Variants in TBCD observed in about 807,000 individuals in gnomAD.
TBCD encodes tubulin-specific chaperone D.
Under a neutral mutation model 169.3 loss-of-function variants are expected in TBCD, and 105 were observed. The ratio of observed to expected loss-of-function variants is 0.62; its 90% CI spans 0.53 to 0.73. The LOEUF is 0.73. Ranked by LOEUF, TBCD falls within the 30% of genes least tolerant of loss-of-function variation. The pLI is 0.00. For missense variants in TBCD, 1,444 were observed against 1,600.1 expected (o/e 0.90, Z 1.66); for synonymous variants, 700 against 643.9 (o/e 1.09, Z -1.32).
At chr17:82,862,083 C>T (rs1000951321) in intron 13 of TBCD, among the ~76,000 whole-genome samples, 5 of 151,980 alleles carry the variant, frequency 3.3e-5, no homozygotes, top group Admixed American at 6.5e-5. Flanking sequence ...CCACCTTGCC[C>T]GGCTAATTTT....
At chr17:82,790,060 G>A (rs915299025) in intron 7 of TBCD, among the ~76,000 whole-genome samples, 7 of 152,096 alleles carry the variant, frequency 4.6e-5, no homozygotes, top group African/African-American at 1.7e-4. Flanking sequence ...TGGCTGCGCC[G>A]CCACCCTGTC....
chr17:82,933,471 C>G (rs534974094), intron 34 of TBCD, among the ~76,000 whole-genome samples: 3 of 152,022 alleles, frequency 2.0e-5, no homozygotes, highest in African/African-American at 7.2e-5. Flanking sequence ...CCAGGCTGGT[C>G]TTGAACTCCT....
chr17:82,926,602 A>G (rs976099429), intron 28 of TBCD, 111 bp downstream of exon 28: 1 of 863,906 alleles, frequency 1.2e-6, no homozygotes, highest in Non-Finnish European at 1.8e-6. Context: ...TTCACTTCCT[A>G]GGTTTCCTCT....
At chr17:82,940,862 G>A (rs910766272) in intron 37 of TBCD, among the ~76,000 whole-genome samples, 1 of 152,188 alleles carries the variant, frequency 6.6e-6, no homozygotes, top group Admixed American at 6.5e-5. Context: ...CCTCCAGCGA[G>A]GCTGGGTCGG....
At chr17:82,752,577 GGCAGACGCGCGCC>G (rs2047160587) in intron 1 of TBCD, among the ~76,000 whole-genome samples, 200 bp downstream of exon 1, 1 of 152,090 alleles carries the variant, frequency 6.6e-6, no homozygotes, top group Non-Finnish European at 1.5e-5. Context: ...AGGTGCACGG[GGCAGACGCGCGCC>G]TCCCTTGGGG....
intron 14 of TBCD, among the ~76,000 whole-genome samples, chr17:82,873,645 C>T (rs74000137): frequency 0.011 from 1,641 of 152,286 alleles, 21 homozygotes; most frequent in African/African-American, 0.035. Flanking sequence ...CCTTTGGCAA[C>T]GTTAGATGTC....
chr17:82,870,323 C>T lies in TBCD; in HGVS notation c.1418C>T (p.Ala473Val), dbSNP rs377049582. 5 of 1,613,420 alleles carry T rather than the reference C, an allele frequency of 3.1e-6. No homozygotes were observed. The African/African-American group carries it at 6.7e-5, about 22-fold the overall frequency. ...VRDAACYVCW[A>V]FARAYEPQEL... ...GACGCCGCCTGCTACGTGTGCTGGGCCTTCGCGCGTGCCTATGAGCCTCAG... is the reference window on the plus strand; with the variant it reads ...GACGCCGCCTGCTACGTGTGCTGGGTCTTCGCGCGTGCCTATGAGCCTCAG... The change falls in exon 14 of 39, where the codon GCC (alanine) becomes GTC (valine). Residue 473 changes from alanine to valine, a missense_variant. Ala to Val is a moderately conservative substitution (Grantham distance 64, BLOSUM62 0). Coordinates refer to ENST00000355528, the MANE Select transcript of TBCD (RefSeq NM_005993.5).
At position 82,874,821 on chromosome 17, in the gene TBCD, T is replaced by TGACC. The variant is rs2057853708; in HGVS notation, c.1475+4442_1475+4445dup. Among the ~76,000 whole-genome samples, 1 of 152,220 alleles carries TGACC rather than the reference T, an allele frequency of 6.6e-6. No homozygotes were observed. The highest frequency in any genetic ancestry group is 1.5e-5 in the Non-Finnish European group (1 of 68,042). Reference sequence around the variant, plus strand: ...TCTCCCTCCCTTGGTTTGTCATAGGTGACCACATTTTAATTACCAGCTTTT... The same window carrying TGACC: ...TCTCCCTCCCTTGGTTTGTCATAGGTGACCGACCACATTTTAATTACCAGCTTTT... On this transcript the variant is annotated intron_variant, in intron 14 of 38. Coordinates refer to ENST00000355528, the MANE Select transcript of TBCD (RefSeq NM_005993.5). This position sits in a 1 kb window ranked among gnomAD's most constrained non-coding sequence, Gnocchi z 5.0.
At chr17:82,807,781 G>T in intron 11 of TBCD, 113 bp downstream of exon 11, 10 of 755,828 alleles carry the variant, frequency 1.3e-5, no homozygotes, top group Non-Finnish European at 1.7e-5. Flanking sequence ...CCCCTCCTCG[G>T]CCCCCTCCAA....
At chr17:82,872,946 C>G (rs373900096) in intron 14 of TBCD, among the ~76,000 whole-genome samples, 1 of 143,574 alleles carries the variant, frequency 7.0e-6, no homozygotes, top group East Asian at 2.0e-4. Flanking sequence ...GAGCCAGGCC[C>G]GGCACCTCGT....
chr17:82,848,812 C>T (rs1420993585), intron 13 of TBCD, among the ~76,000 whole-genome samples: 1 of 152,170 alleles, frequency 6.6e-6, no homozygotes, highest in Non-Finnish European at 1.5e-5. Flanking sequence ...TGTGTCTTCC[C>T]CCGCTCTGCT....
chr17:82,915,838 C>G lies in TBCD; in HGVS notation c.2038+4049C>G, dbSNP rs990488324. Among the ~76,000 whole-genome samples the G allele has an allele frequency of 1.3e-5, 2 of 152,218 alleles. No individual in the cohort carries two copies. Among genetic ancestry groups the G allele is most frequent in the African/African-American group, 4.8e-5 (2 of 41,524 alleles). ...AGTCGGCCACAGGTGTGTGGAGGAT[C>G]GTGACTTAGCAAGCCGGGGACACGC... On this transcript the variant is annotated intron_variant, in intron 23 of 38. Coordinates refer to ENST00000355528, the MANE Select transcript of TBCD (RefSeq NM_005993.5). This position sits in a 1 kb window ranked among gnomAD's most constrained non-coding sequence, Gnocchi z 4.3.
chr17:82,907,846 C>T (rs754492508), intron 21 of TBCD, 25 bp downstream of exon 21: 1 of 1,609,878 alleles, frequency 6.2e-7, no homozygotes, highest in South Asian at 1.1e-5. Context: ...TCTGGGTGTA[C>T]CCTCAGGAGG....
At chr17:82,878,318 C>T (rs2058104962) in intron 14 of TBCD, among the ~76,000 whole-genome samples, 2 of 152,208 alleles carry the variant, frequency 1.3e-5, no homozygotes, top group African/African-American at 4.8e-5. Context: ...TTAGGGTCCA[C>T]AGTTCAGTGG....
chr17:82,865,606 G>T (rs1050425636), intron 13 of TBCD: 1 of 915,452 alleles, frequency 1.1e-6, no homozygotes, highest in Admixed American at 6.2e-5. Flanking sequence ...CTGACAGGGC[G>T]ATGCGGTCTG....
intron 6 of TBCD, among the ~76,000 whole-genome samples, chr17:82,775,037 G>A (rs975463916): frequency 6.6e-6 from 1 of 152,252 alleles, no homozygotes; most frequent in African/African-American, 2.4e-5. Context: ...TGTGGAGTGC[G>A]GTGCCTGTGG....
intron 2 of TBCD, among the ~76,000 whole-genome samples, chr17:82,760,281 T>C (rs2047685425): frequency 1.3e-5 from 2 of 152,238 alleles, no homozygotes; most frequent in Non-Finnish European, 2.9e-5. Context: ...TCCGGAATTA[T>C]TTTATCACTC....
At chr17:82,895,093 G>A (rs555213471) in intron 17 of TBCD, among the ~76,000 whole-genome samples, 20 of 152,326 alleles carry the variant, frequency 1.3e-4, no homozygotes, top group South Asian at 8.3e-4. Context: ...CCTAAAACTC[G>A]CATGTAATTA....
At chr17:82,941,740 A>G in intron 38 of TBCD, 1 of 516,524 alleles carries the variant, frequency 1.9e-6, no homozygotes, top group Non-Finnish European at 3.4e-6. Context: ...AGCTGGCACC[A>G]GCTTGATCCA....
Sources: allele counts gnomAD v4.1 joint callset (sites outside exome capture counted in the v4.1 genomes callset), GRCh38; gene constraint gnomAD v4.1.1; non-coding constraint Gnocchi (gnomAD v3.1); transcripts MANE v1.5; gene names NCBI Gene and HGNC (gene_info 2026-07-23, HGNC 2026-07-21).